The following KLHL18 variants were observed in gnomAD, a reference collection of about 807,000 sequenced individuals.
KLHL18 encodes kelch like family member 18.
Under a neutral mutation model 58.5 loss-of-function variants are expected in KLHL18, and 38 were observed. The ratio of observed to expected loss-of-function variants is 0.65; its 90% CI spans 0.50 to 0.85. The LOEUF (loss-of-function observed/expected upper bound fraction) is 0.85. KLHL18 is among the 40% of genes least tolerant of loss of function. The pLI, the probability that KLHL18 is intolerant of heterozygous loss-of-function variation, is 0.00. For missense variants in KLHL18, 624 were observed against 778.4 expected (o/e 0.80, Z 2.36); for synonymous variants, 303 against 301.9 (o/e 1.00, Z -0.04).
intron 1 of KLHL18, among the ~76,000 whole-genome samples, chr3:47,295,638 G>T (rs974057572): frequency 2.0e-5 from 3 of 151,322 alleles, no homozygotes; most frequent in African/African-American, 7.3e-5. Context: ...TGCAATCATA[G>T]TTCATTGTAA....
chr3:47,326,908 C>T (rs1009507260), intron 3 of KLHL18, among the ~76,000 whole-genome samples: 4 of 148,360 alleles, frequency 2.7e-5, no homozygotes, highest in African/African-American at 7.5e-5. Context: ...GCAACAAGAG[C>T]GAAGCTACAT....
intron 1 of KLHL18, among the ~76,000 whole-genome samples, chr3:47,286,288 A>G (rs529263357): frequency 1.3e-5 from 2 of 152,300 alleles, no homozygotes; most frequent in East Asian, 3.9e-4. Context: ...GTAGCAATAT[A>G]ATGGTGGGAC....
At chr3:47,285,349 C>T (rs1029755683) in intron 1 of KLHL18, among the ~76,000 whole-genome samples, 2 of 152,154 alleles carry the variant, frequency 1.3e-5, no homozygotes, top group Admixed American at 1.3e-4. Flanking sequence ...AAAAATGATC[C>T]GGTTTTGGCA....
chr3:47,319,927 A>G, intron 2 of KLHL18, 144 bp downstream of exon 2: 1 of 884,126 alleles, frequency 1.1e-6, no homozygotes, highest in South Asian at 1.8e-5. Flanking sequence ...TAAGCAGATT[A>G]GAACCTGGGC....
intron 2 of KLHL18, among the ~76,000 whole-genome samples, chr3:47,320,870 AC>A (rs1703569306): frequency 3.3e-5 from 5 of 152,154 alleles, no homozygotes; most frequent in African/African-American, 9.7e-5. Flanking sequence ...CTGTGATCAC[AC>A]CACTACACTC....
At position 47,334,383 on chromosome 3, in the gene KLHL18, A is replaced by G. The variant is rs552245487; in HGVS notation, c.762-300A>G. On this transcript the variant is annotated intron_variant, in intron 5 of 9. Transcript: ENST00000232766. The surrounding 1 kb of genome is among the most constrained non-coding windows in gnomAD (Gnocchi z 4.7). ...CTAGGTCTGAGTGGCAACAGGGTGCATGCTGCTTGTCGAAACTCCCAGGTC... is the reference window on the plus strand; with the variant it reads ...CTAGGTCTGAGTGGCAACAGGGTGCGTGCTGCTTGTCGAAACTCCCAGGTC... Among the ~76,000 whole-genome samples, 3 of 152,296 alleles carry G rather than the reference A, an allele frequency of 2.0e-5. No individual in the cohort carries two copies. The highest frequency in any genetic ancestry group is 4.8e-5 in the African/African-American group (2 of 41,570).
chr3:47,283,246 C>T (rs988871715), intron 1 of KLHL18, 152 bp downstream of exon 1: 17 of 591,704 alleles, frequency 2.9e-5, no homozygotes, highest in African/African-American at 5.9e-5. Flanking sequence ...AGGTGCCGAG[C>T]AAAAGGGGAT....
At chr3:47,337,770 A>G (rs295454) in intron 7 of KLHL18, 146,030 of 152,322 alleles carry the variant, frequency 0.96, 70,321 homozygotes, top group East Asian at 1. Flanking sequence ...CCAAGAACGC[A>G]TTGAGAGTCC....
chr3:47,341,896 T>TAA (rs10586716), intron 8 of KLHL18, among the ~76,000 whole-genome samples: 13 of 125,740 alleles, frequency 1.0e-4, no homozygotes, highest in East Asian at 4.6e-4. Flanking sequence ...CTGTCTCTTT[T>TAA]AAAAAAAAAA....
At position 47,286,790 on chromosome 3, in the gene KLHL18, AT is replaced by A. The variant is rs780024989; in HGVS notation, c.129+3700del. Among the ~76,000 whole-genome samples the A allele has an allele frequency of 1.4e-4, 22 of 152,118 alleles. No individual in the cohort carries two copies. In the East Asian group the frequency reaches 3.1e-3, roughly 21 times the overall value. ...CCTAGGTGGTATAAGCCTGGCTGTT[AT>A]TTTGGGAGCCTTATGGTAGGAGAGG... On this transcript the variant is annotated intron_variant, in intron 1 of 9. Transcript: ENST00000232766.
At chr3:47,294,770 G>A (rs1702860898) in intron 1 of KLHL18, among the ~76,000 whole-genome samples, 1 of 152,216 alleles carries the variant, frequency 6.6e-6, no homozygotes, top group African/African-American at 2.4e-5. Flanking sequence ...GGGTGTTAGA[G>A]GTATACCTAA....
intron 5 of KLHL18, 127 bp downstream of exon 5, chr3:47,333,444 G>T (rs1703914417): frequency 3.3e-6 from 3 of 910,478 alleles, no homozygotes; most frequent in Non-Finnish European, 4.8e-6. Context: ...CACACAGATT[G>T]GTCTGCCCTC....
At chr3:47,313,182 T>C (rs1387784385) in intron 1 of KLHL18, among the ~76,000 whole-genome samples, 5 of 151,752 alleles carry the variant, frequency 3.3e-5, no homozygotes, top group Non-Finnish European at 7.4e-5. Context: ...GTGCTGGGAT[T>C]ACAGGCGTGA....
intron 3 of KLHL18, among the ~76,000 whole-genome samples, chr3:47,329,155 G>GA (rs57000619): frequency 0.96 from 144,569 of 151,056 alleles, 69,525 homozygotes; most frequent in East Asian, 1. Context: ...GAAAAAAAAA[G>GA]ACAAGTATAA....
At position 47,334,777 on chromosome 3, in the gene KLHL18, A is replaced by G. The variant is rs1258086492; in HGVS notation, c.856A>G (p.Ile286Val). 4 of 1,614,070 alleles carry G rather than the reference A, an allele frequency of 2.5e-6. No individual in the cohort carries two copies. The highest frequency in any genetic ancestry group is 3.4e-6 in the Non-Finnish European group (4 of 1,179,996). Residue 286 changes from isoleucine (I) to valine (V), a missense_variant, in exon 6 of 10, where the codon ATC (isoleucine) becomes GTC (valine). Ile to Val is a conservative substitution (Grantham distance 29). Coordinates refer to ENST00000232766, the MANE Select transcript of KLHL18 (RefSeq NM_025010.5). The surrounding 1 kb of genome is among the most constrained non-coding windows in gnomAD (Gnocchi z 4.7). ...AACCCGGCCACGCTGCTGCACATCC[A>G]TCGCTGGACTTATCTACGCTGTAGG... ...FRTRPRCCTS[I>V]AGLIYAVGGL...
intron 1 of KLHL18, among the ~76,000 whole-genome samples, chr3:47,306,369 C>T (rs1285818068): frequency 6.6e-6 from 1 of 152,068 alleles, no homozygotes; most frequent in African/African-American, 2.4e-5. Context: ...TCAAATATTG[C>T]ATAATGCAAA....
At chr3:47,325,599 A>G (rs905654556) in intron 3 of KLHL18, among the ~76,000 whole-genome samples, 7 of 152,172 alleles carry the variant, frequency 4.6e-5, no homozygotes, top group Non-Finnish European at 8.8e-5. Flanking sequence ...CCACAATGCC[A>G]TCAGAGTTCT....
At chr3:47,329,312 C>T (rs1378646442) in intron 3 of KLHL18, among the ~76,000 whole-genome samples, 4 of 152,060 alleles carry the variant, frequency 2.6e-5, no homozygotes, top group Admixed American at 2.0e-4. Flanking sequence ...ACTGCAAGCT[C>T]CGCCTCCTGG....
intron 1 of KLHL18, among the ~76,000 whole-genome samples, chr3:47,298,353 TAAAAAA>T (rs36006254): frequency 3.4e-5 from 4 of 118,558 alleles, no homozygotes; most frequent in Admixed American, 1.8e-4. Context: ...ATCCTGTCTC[TAAAAAA>T]AAAAAAAAAA....
Sources: allele counts gnomAD v4.1 joint callset (sites outside exome capture counted in the v4.1 genomes callset), GRCh38; gene constraint gnomAD v4.1.1; non-coding constraint Gnocchi (gnomAD v3.1); transcripts MANE v1.5; gene names NCBI Gene and HGNC (gene_info 2026-07-23, HGNC 2026-07-21).